MORF4L1: variants seen among roughly 807,000 people sequenced by gnomAD.
The protein encoded by MORF4L1 is mortality factor 4-like protein 1.
A neutral mutation model predicts 52.9 loss-of-function variants in MORF4L1; 4 were observed. The ratio of observed to expected loss-of-function variants is 0.08; its 90% CI spans 0.04 to 0.17. MORF4L1 has a LOEUF of 0.17. MORF4L1 is among the 10% of genes least tolerant of loss of function. The pLI, the probability that MORF4L1 is intolerant of heterozygous loss-of-function variation, is 1.00. For missense variants in MORF4L1, 214 were observed against 390.4 expected, an observed-to-expected ratio of 0.55 and a Z score of 3.81; for synonymous variants, 123 against 134.8, an observed-to-expected ratio of 0.91 and a Z score of 0.61.
intron 6 of MORF4L1, 44 bp from the exon 7 acceptor site, chr15:78,891,440 T>C: frequency 2.1e-6 from 3 of 1,428,312 alleles, no homozygotes; most frequent in Non-Finnish European, 3.0e-6. Flanking sequence ...TTATAGAGTT[T>C]GTTAAATTAG....
chr15:78,892,955 A>G (rs758458800), intron 8 of MORF4L1: 2 of 153,602 alleles, frequency 1.3e-5, no homozygotes, highest in East Asian at 1.9e-4. Context: ...TTGGAGGGTT[A>G]TGCAGTTACA....
chr15:78,888,621 C>G lies in MORF4L1; in HGVS notation c.323+1272C>G, dbSNP rs192466929. 2.6e-5 allele frequency among the ~76,000 whole-genome samples: 4 copies of G among 152,098 alleles called. No homozygotes were observed. In the South Asian group the frequency reaches 8.3e-4, roughly 32 times the overall value. ...TTTTCTACTTAAAAGTAAGGTGTTA[C>G]ACCCAGTGCTTTGGGAGGCTGAGGT... On this transcript the variant is annotated intron_variant, in intron 5 of 11. Transcript: ENST00000426013.
chr15:78,892,309 A>G lies in MORF4L1; in HGVS notation c.536A>G (p.Lys179Arg). 1 of 1,611,732 alleles carries G rather than the reference A, an allele frequency of 6.2e-7. No individual in the cohort carries two copies. The highest frequency in any genetic ancestry group is 2.2e-5 in the East Asian group (1 of 44,840). The change falls in exon 8 of 12, where the codon AAA becomes AGA. Residue 179 changes from lysine (K) to arginine (R), a missense_variant. Transcript: ENST00000426013. ...GACTGGGACTTAATTACCAGGCAAA[A>G]ACAGGTAACTTGAAAAGCTACCCAG... ...VDDWDLITRQ[K>R]QLFYLPAKKN...
chr15:78,884,121 T>G (rs1007635521), intron 3 of MORF4L1, among the ~76,000 whole-genome samples: 3 of 151,818 alleles, frequency 2.0e-5, no homozygotes, highest in Admixed American at 1.3e-4. Flanking sequence ...GGAGAACTGC[T>G]TGAACCTGGG....
At chr15:78,875,664 G>C (rs1042682157) in intron 1 of MORF4L1, among the ~76,000 whole-genome samples, 6 of 151,838 alleles carry the variant, frequency 4.0e-5, no homozygotes, top group South Asian at 2.1e-4. Flanking sequence ...TTAGGCTCCT[G>C]TAATCCCGGC....
chr15:78,878,969 A>G (rs975640237), intron 2 of MORF4L1, among the ~76,000 whole-genome samples: 17 of 152,264 alleles, frequency 1.1e-4, no homozygotes, highest in African/African-American at 3.9e-4. Context: ...GTTTTATGCT[A>G]TATGTGTCTG....
At position 78,895,606 on chromosome 15, in the gene MORF4L1, T is replaced by G. The variant is rs75145191; in HGVS notation, c.887+702T>G. Reference sequence around the variant, plus strand: ...CATACTGATAAAGATGTCCATGTTTTCAATTGAAAAACAGCCAAGCTGTAG... The same window carrying G: ...CATACTGATAAAGATGTCCATGTTTGCAATTGAAAAACAGCCAAGCTGTAG... On this transcript the variant is annotated intron_variant, in intron 11 of 11. Coordinates refer to ENST00000426013, the MANE Select transcript of MORF4L1 (RefSeq NM_006791.4). Among the ~76,000 whole-genome samples, 1,480 of 152,316 alleles carry G rather than the reference T, an allele frequency of 9.7e-3. 23 individuals are homozygous for G. Among genetic ancestry groups the G allele is most frequent in the African/African-American group, 0.034 (1,414 of 41,568 alleles).
At position 78,880,527 on chromosome 15, in the gene MORF4L1, A is replaced by T. The variant is rs753870808; in HGVS notation, c.103A>T (p.Ile35Leu). The T allele has an allele frequency of 1.2e-6, 2 of 1,602,366 alleles. No homozygotes were observed. Among genetic ancestry groups the T allele is most frequent in the Non-Finnish European group, 8.5e-7 (1 of 1,175,100 alleles). The change falls in exon 3 of 12, where the codon ATA becomes TTA. Residue 35 changes from isoleucine (I) to leucine (L), a missense_variant. By Grantham distance (5) the Ile-to-Leu change is conservative. Around this residue, in one of 5 missense-constraint regions of MORF4L1, gnomAD observed 32 missense variants for 51.1 expected, o/e 0.63. Transcript: ENST00000426013. ...TGAATTTCAGTGTGTAAAGGTTGCC[A>T]TAAAGGACAAACAAGTGAAATACTT... is the stretch of plus-strand genomic sequence containing the variant. ...LYEAKCVKVA[I>L]KDKQVKYFIH...
At chr15:78,878,579 G>A (rs2056539154) in intron 2 of MORF4L1, among the ~76,000 whole-genome samples, 1 of 149,444 alleles carries the variant, frequency 6.7e-6, no homozygotes, top group Non-Finnish European at 1.5e-5. Context: ...CATTGCTGAA[G>A]TTACTTTTAA....
intron 2 of MORF4L1, among the ~76,000 whole-genome samples, chr15:78,878,954 GAGT>G (rs2056547155): frequency 6.6e-6 from 1 of 152,220 alleles, no homozygotes; most frequent in East Asian, 1.9e-4. Context: ...AATTCTTGGT[GAGT>G]AGTTTTATGC....
chr15:78,878,683 G>C (rs1477703201), intron 2 of MORF4L1, among the ~76,000 whole-genome samples: 1 of 152,178 alleles, frequency 6.6e-6, no homozygotes, highest in Non-Finnish European at 1.5e-5. Context: ...GTTGATTGTT[G>C]ATTTGTCTGG....
chr15:78,880,669 C>A, intron 3 of MORF4L1, 90 bp downstream of exon 3: 1 of 911,060 alleles, frequency 1.1e-6, no homozygotes, highest in Non-Finnish European at 1.7e-6. Flanking sequence ...TTCAATTCTG[C>A]AGTTTTAATG....
At chr15:78,890,135 G>A (rs752241807) in intron 5 of MORF4L1, among the ~76,000 whole-genome samples, 2 of 152,030 alleles carry the variant, frequency 1.3e-5, no homozygotes, top group Non-Finnish European at 1.5e-5. Context: ...CAGGAGAATC[G>A]CTTGAACCCG....
chr15:78,889,513 A>G (rs1184738124), intron 5 of MORF4L1, among the ~76,000 whole-genome samples: 3 of 152,102 alleles, frequency 2.0e-5, no homozygotes, highest in Non-Finnish European at 4.4e-5. Flanking sequence ...TAGATCTTTT[A>G]CTTTAGAGTT....
intron 1 of MORF4L1, among the ~76,000 whole-genome samples, chr15:78,875,481 T>G (rs566943728): frequency 3.2e-4 from 49 of 152,306 alleles, no homozygotes; most frequent in African/African-American, 1.1e-3. Flanking sequence ...AAAAATGATT[T>G]TAGTGGGTGG....
At chr15:78,888,749 A>G (rs1020407908) in intron 5 of MORF4L1, among the ~76,000 whole-genome samples, 1 of 152,108 alleles carries the variant, frequency 6.6e-6, no homozygotes, top group Admixed American at 6.5e-5. Flanking sequence ...TAATGAAGGT[A>G]TTTAGTATTT....
At chr15:78,876,157 C>T (rs977867649) in intron 1 of MORF4L1, among the ~76,000 whole-genome samples, 3 of 151,770 alleles carry the variant, frequency 2.0e-5, no homozygotes, top group Non-Finnish European at 4.4e-5. Flanking sequence ...AGGATGGTCT[C>T]GATCTCCTGA....
In MORF4L1 at chr15:78,878,324, T is replaced by C. The variant is rs368656976; in HGVS notation, c.87+65T>C. 1,445 of 1,456,962 alleles carry C rather than the reference T, an allele frequency of 9.9e-4. 2 individuals carry two copies. The highest frequency in any genetic ancestry group is 2.2e-3 in the Middle Eastern group (9 of 4,084). The allele number at this position is 1,456,962 out of a possible 1,614,324, so 90.3% of individuals were successfully genotyped here. ...ACTGGTTAGATCTGGCCATTTAATATACAAGTACAGTATTTTGTTGTTGCC... is the reference window on the plus strand; with the variant it reads ...ACTGGTTAGATCTGGCCATTTAATACACAAGTACAGTATTTTGTTGTTGCC... On this transcript the variant is annotated intron_variant, in intron 2 of 11. Coordinates refer to ENST00000426013, the MANE Select transcript of MORF4L1 (RefSeq NM_006791.4).
rs1400542906 is a variant in MORF4L1 at position 78,897,396 on chromosome 15, T to C, written c.*329T>C. On this transcript the variant is annotated 3_prime_UTR_variant, in exon 12 of 12. Transcript: ENST00000426013. The stretch of plus-strand genomic sequence containing the variant: ...TGACACTACGCACTTTTATAATACA[T>C]GTTAATGCTATATGACAAAATGCTC... 1 of 215,772 alleles carries C rather than the reference T, an allele frequency of 4.6e-6. No homozygotes were observed. The highest frequency in any genetic ancestry group is 2.3e-5 in the African/African-American group (1 of 44,020). The allele number at this position is 215,772 out of a possible 1,614,324, so 13.4% of individuals were successfully genotyped here.
Sources: allele counts gnomAD v4.1 joint callset (sites outside exome capture counted in the v4.1 genomes callset), GRCh38; gene constraint gnomAD v4.1.1; regional missense constraint gnomAD v4.1.1; transcripts MANE v1.5; gene names NCBI Gene and HGNC (gene_info 2026-07-23, HGNC 2026-07-21).